Variants in RALYL observed in about 807,000 individuals in gnomAD.
RALYL encodes the protein RNA-binding Raly-like protein.
Under a neutral mutation model 35.1 loss-of-function variants are expected in RALYL, and 29 were observed. That is an observed-to-expected ratio of 0.83 (90% CI 0.61 to 1.13). The LOEUF (loss-of-function observed/expected upper bound fraction) is 1.13. Among genes scored for constraint, RALYL ranks in the 50% most tolerant of loss-of-function variants. The pLI, the probability that RALYL is intolerant of heterozygous loss-of-function variation, is 0.00. For synonymous variants in RALYL, 120 were observed against 127.6 expected (o/e 0.94, Z 0.40); for missense variants, 359 against 360.4 (o/e 1.00, Z 0.03).
chr8:84,732,411 T>C (rs1846346545), intron 2 of RALYL, among the ~76,000 whole-genome samples: 2 of 152,022 alleles, frequency 1.3e-5, no homozygotes, highest in African/African-American at 4.8e-5. Flanking sequence ...TGAAGAAGGA[T>C]AGTCACAATC....
chr8:84,570,907 A>C (rs913545346), intron 2 of RALYL, among the ~76,000 whole-genome samples: 2 of 151,880 alleles, frequency 1.3e-5, no homozygotes, highest in Admixed American at 1.3e-4. Flanking sequence ...ATGTTGAACT[A>C]TCCTTGCATG....
chr8:84,259,561 G>A (rs1290711247), intron 1 of RALYL, among the ~76,000 whole-genome samples: 3 of 152,142 alleles, frequency 2.0e-5, no homozygotes, highest in Non-Finnish European at 4.4e-5. Flanking sequence ...TGGCAGTTTA[G>A]TAATTTTTTT....
chr8:84,814,458 T>C (rs1026738007), intron 4 of RALYL, among the ~76,000 whole-genome samples: 3 of 152,152 alleles, frequency 2.0e-5, no homozygotes, highest in Non-Finnish European at 4.4e-5. Context: ...TGATGAATAC[T>C]AGTAATTGTC....
At chr8:84,809,200 G>T (rs1452577986) in intron 4 of RALYL, among the ~76,000 whole-genome samples, 1 of 152,016 alleles carries the variant, frequency 6.6e-6, no homozygotes, top group Non-Finnish European at 1.5e-5. Context: ...AAAGGATGCT[G>T]GATTTTGTCA....
chr8:84,492,028 AACAGTTCT>A (rs759626589), intron 1 of RALYL, among the ~76,000 whole-genome samples: 11 of 152,020 alleles, frequency 7.2e-5, no homozygotes, highest in Non-Finnish European at 1.2e-4. Context: ...GAAGTCATAA[AACAGTTCT>A]ATTATGGAAG....
chr8:84,568,084 A>C (rs1049612017), intron 2 of RALYL, among the ~76,000 whole-genome samples: 9 of 151,480 alleles, frequency 5.9e-5, no homozygotes, highest in Admixed American at 4.6e-4. Context: ...GTTATAGGGT[A>C]CATGTGCACA....
intron 1 of RALYL, among the ~76,000 whole-genome samples, chr8:84,476,275 G>T (rs963650839): frequency 3.9e-5 from 6 of 152,008 alleles, no homozygotes; most frequent in Non-Finnish European, 8.8e-5. Flanking sequence ...CTATATCAAG[G>T]GAAAGCTAGC....
intron 1 of RALYL, among the ~76,000 whole-genome samples, chr8:84,331,789 T>G (rs1465356633): frequency 6.6e-6 from 1 of 152,162 alleles, no homozygotes; most frequent in African/African-American, 2.4e-5. Flanking sequence ...TGAAATGCAT[T>G]AAACACATGC....
intron 1 of RALYL, 62 bp from the exon 2 acceptor site, chr8:84,529,237 C>A (rs1032330190): frequency 1.3e-6 from 2 of 1,510,158 alleles, no homozygotes; most frequent in African/African-American, 1.4e-5. Context: ...CCACTGATAC[C>A]CATTCGATCT....
intron 7 of RALYL, 94 bp from the exon 8 acceptor site, chr8:84,887,510 G>A (rs1437340982): frequency 1.3e-5 from 14 of 1,078,534 alleles, no homozygotes; most frequent in African/African-American, 1.1e-4. Context: ...ATAGCATATA[G>A]CGTTTACCCT....
intron 2 of RALYL, among the ~76,000 whole-genome samples, chr8:84,536,109 T>C (rs1461275703): frequency 6.6e-6 from 1 of 152,174 alleles, no homozygotes; most frequent in Non-Finnish European, 1.5e-5. Flanking sequence ...GCTTACCCAC[T>C]TATATCACCA....
intron 1 of RALYL, among the ~76,000 whole-genome samples, chr8:84,488,482 T>C (rs2054894678): frequency 6.6e-6 from 1 of 152,184 alleles, no homozygotes; most frequent in Non-Finnish European, 1.5e-5. Context: ...TGTAAATTGC[T>C]CCTGAATTTT....
chr8:84,740,004 A>G (rs979336050), intron 2 of RALYL, among the ~76,000 whole-genome samples: 3 of 151,940 alleles, frequency 2.0e-5, no homozygotes, highest in Non-Finnish European at 4.4e-5. Flanking sequence ...ATCATTAGAG[A>G]GTGGTTCCAA....
At chr8:84,358,564 G>A (rs1852324990) in intron 1 of RALYL, among the ~76,000 whole-genome samples, 1 of 152,016 alleles carries the variant, frequency 6.6e-6, no homozygotes, top group Non-Finnish European at 1.5e-5. Context: ...TAAATGATGA[G>A]CGTGGTTTTG....
chr8:84,710,424 C>T (rs949421656), intron 2 of RALYL, among the ~76,000 whole-genome samples: 1 of 152,038 alleles, frequency 6.6e-6, no homozygotes, highest in South Asian at 2.1e-4. Flanking sequence ...TCCACAGCCT[C>T]CTGAGTAGCT....
chr8:84,727,337 C>T (rs548585636), intron 2 of RALYL, among the ~76,000 whole-genome samples: 3 of 152,138 alleles, frequency 2.0e-5, no homozygotes, highest in Non-Finnish European at 2.9e-5. Flanking sequence ...TAAAAGGAAA[C>T]ATTAAACCCT....
Position 84,428,075 on chromosome 8 carries a change from CTG to C in RALYL, c.-23-101222_-23-101221del, listed in dbSNP as rs1311854963. Among the ~76,000 whole-genome samples, 835 of 136,596 alleles carry C rather than the reference CTG, an allele frequency of 6.1e-3. 8 individuals are homozygous for C. The highest frequency in any genetic ancestry group is 0.023 in the African/African-American group (765 of 33,470). The allele number at this position is 136,596 out of a possible 152,430, so 89.6% of individuals were successfully genotyped here. On this transcript the variant is annotated intron_variant, in intron 1 of 8. Transcript: ENST00000521268. ...GATCCGGCTCGCTTGCGCTTGCTCG[CTG>C]TCTCTCTCTCTCTCTCTCTCTCTCT...
intron 1 of RALYL, among the ~76,000 whole-genome samples, chr8:84,203,429 T>C (rs1214317641): frequency 6.6e-6 from 1 of 152,142 alleles, no homozygotes; most frequent in African/African-American, 2.4e-5. Flanking sequence ...ATGTGTTAAG[T>C]GGGGTGTTCT....
At chr8:84,845,922 G>A (rs1465905660) in intron 4 of RALYL, among the ~76,000 whole-genome samples, 1 of 152,052 alleles carries the variant, frequency 6.6e-6, no homozygotes, top group Non-Finnish European at 1.5e-5. Flanking sequence ...TAGTTTTGTT[G>A]AATTTTTCAG....
Sources: allele counts gnomAD v4.1 joint callset (sites outside exome capture counted in the v4.1 genomes callset), GRCh38; gene constraint gnomAD v4.1.1; transcripts MANE v1.5; gene names NCBI Gene and HGNC (gene_info 2026-07-23, HGNC 2026-07-21).